Variants in RASAL1 observed in about 807,000 individuals in gnomAD.
The protein encoded by RASAL1 is rasGAP-activating-like protein 1.
Under a neutral mutation model 96.6 loss-of-function variants are expected in RASAL1, and 72 were observed. The observed-to-expected ratio is 0.75, with a 90% confidence interval of 0.62 to 0.91. RASAL1 has a LOEUF of 0.91. Among genes scored for constraint, RASAL1 ranks in the 40% least tolerant of loss-of-function variants. RASAL1 has a pLI of 0.00. For missense variants in RASAL1, 1,016 were observed against 1,072.5 expected (o/e 0.95, Z 0.74); for synonymous variants, 405 against 430.4 (o/e 0.94, Z 0.73).
At chr12:113,103,637 C>A in intron 18 of RASAL1, 1 of 456,876 alleles carries the variant, frequency 2.2e-6, no homozygotes, top group Non-Finnish European at 3.9e-6. Context: ...GTTATGCACT[C>A]ATCTTTCTTG....
intron 4 of RASAL1, 21 bp from the exon 5 acceptor site, chr12:113,121,659 C>T (rs759879284): frequency 2.5e-6 from 4 of 1,613,782 alleles, no homozygotes; most frequent in East Asian, 2.2e-5. Flanking sequence ...CAGGCACTAA[C>T]ATTTATGAAG....
Position 113,119,809 on chromosome 12 carries a change from C to T in RASAL1, c.429-366G>A, listed in dbSNP as rs138237047. 3.0e-4 allele frequency among the ~76,000 whole-genome samples: 46 copies of T among 152,308 alleles called. No individual in the cohort carries two copies. In the East Asian group the frequency reaches 8.3e-3, roughly 27 times the overall value. On this transcript the variant is annotated intron_variant, in intron 5 of 20. Coordinates refer to ENST00000548055, the MANE Select transcript of RASAL1 (RefSeq NM_001301202.2). ...TGCAAAGGTTCAAAGCCTGGCTTTG[C>T]ACTCATTGGCTAGCGGACACTAGGG...
chr12:113,115,822 C>A lies in RASAL1; in HGVS notation c.850-34G>T, dbSNP rs772809882. On this transcript the variant is annotated intron_variant, in intron 9 of 20. Coordinates refer to ENST00000548055, the MANE Select transcript of RASAL1 (RefSeq NM_001301202.2). The surrounding 1 kb of genome is among the most constrained non-coding windows in gnomAD (Gnocchi z 4.1). ...GGGCGGGAGACAAAGATGACCTCGG[C>A]CCCTGGGACCCCAAAGCAGATGGGC... The A allele has an allele frequency of 1.1e-5, 17 of 1,611,712 alleles. No homozygotes were observed. The South Asian group carries it at 1.9e-4, about 18-fold the overall frequency.
chr12:113,136,521 C>T (rs982476526), upstream of RASAL1, among the ~76,000 whole-genome samples: 2 of 152,228 alleles, frequency 1.3e-5, no homozygotes, highest in African/African-American at 4.8e-5. Context: ...AATAACTTGG[C>T]AGAGGTCTCA....
intron 4 of RASAL1, among the ~76,000 whole-genome samples, chr12:113,127,370 G>C (rs1951523149): frequency 6.6e-6 from 1 of 152,182 alleles, no homozygotes; most frequent in Admixed American, 6.5e-5. Flanking sequence ...ACAAGGCTGG[G>C]CATAGTGGCT....
intron 4 of RASAL1, among the ~76,000 whole-genome samples, 160 bp from the exon 5 acceptor site, chr12:113,121,798 T>C (rs1328965742): frequency 6.6e-6 from 1 of 152,076 alleles, no homozygotes; most frequent in African/African-American, 2.4e-5. Context: ...TTTGGCTCAC[T>C]GCAACCTCTG....
In RASAL1 at chr12:113,132,269, G is replaced by A. The variant is rs189929817; in HGVS notation, c.66-1328C>T. Among the ~76,000 whole-genome samples the A allele has an allele frequency of 2.9e-3, 439 of 152,118 alleles. 1 individual carries two copies. The highest frequency in any genetic ancestry group is 0.01 in the African/African-American group (415 of 41,494). The stretch of plus-strand genomic sequence containing the variant: ...ATTACAGGCGTGAGCCACCACAGCC[G>A]GCCTCCCTTATTTCTCTATGCGTTT... On this transcript the variant is annotated intron_variant, in intron 1 of 20. Transcript: ENST00000548055.
intron 13 of RASAL1, 140 bp from the exon 14 acceptor site, chr12:113,108,362 G>A (rs963326727): frequency 9.3e-6 from 10 of 1,079,072 alleles, no homozygotes; most frequent in African/African-American, 3.3e-5. Flanking sequence ...CCGGCTGGCC[G>A]AGGAAGTTTT....
chr12:113,105,580 TGTCGTTG>T (rs1950614492), intron 16 of RASAL1, 127 bp downstream of exon 16: 1 of 964,810 alleles, frequency 1.0e-6, no homozygotes, highest in Admixed American at 2.6e-5. Flanking sequence ...CCTGAGAGTT[TGTCGTTG>T]TTAAGTTGCT....
chr12:113,119,334 C>G (rs780355192), intron 6 of RASAL1, 28 bp downstream of exon 6: 26 of 1,612,958 alleles, frequency 1.6e-5, no homozygotes, highest in Non-Finnish European at 2.0e-5. Context: ...TGCCCCACTC[C>G]TTCCTGGCTT....
rs956001461 is a variant in RASAL1 at position 113,112,351 on chromosome 12, C to T, written c.1182-73G>A. On this transcript the variant is annotated intron_variant, in intron 12 of 20. Coordinates refer to ENST00000548055, the MANE Select transcript of RASAL1 (RefSeq NM_001301202.2). ...TGCTCCAAACCCTCCACCGGCCCCG[C>T]TGAGCTCCGAGAGGACTCATCTTCC... 1.5e-5 allele frequency: 18 copies of T among 1,176,844 alleles called. No individual in the cohort carries two copies. In the African/African-American group the frequency reaches 2.7e-4, roughly 18 times the overall value. The allele number at this position is 1,176,844 out of a possible 1,614,324, so 72.9% of individuals were successfully genotyped here. A position where few individuals can be genotyped will look rare whatever the true frequency, so the allele number is the denominator to read the frequency against.
chr12:113,121,542 C>T lies in RASAL1; in HGVS notation c.395G>A (p.Gly132Asp). The T allele has an allele frequency of 6.2e-7, 1 of 1,614,188 alleles. No homozygotes were observed. Among genetic ancestry groups the T allele is most frequent in the Non-Finnish European group, 8.5e-7 (1 of 1,180,048 alleles). ...LSVQMLEDGQ[G>D]RCLRCHVLQA... ...AAGCACATGGCAGCGAAGGCAGCGG[C>T]CCTGCCCATCCTCCAGCATCTGCAC... The change falls in exon 5 of 21, where the codon GGC becomes GAC. Residue 132 changes from glycine to aspartate, a missense_variant. Transcript: ENST00000548055.
rs754469360 is a variant in RASAL1, at chr12:113,105,836, C to T, written c.1708G>A (p.Glu570Lys). ...TCCTTGCGCTTCAGCAGATAGCCTTCTCGAACAATGGCCGAGGGCGGGAAC... is the reference window on the plus strand; with the variant it reads ...TCCTTGCGCTTCAGCAGATAGCCTTTTCGAACAATGGCCGAGGGCGGGAAC... Reference protein sequence around the residue: ...ALFPPSAIVREGYLLKRKEEP... With the variant: ...ALFPPSAIVRKGYLLKRKEEP... Residue 570 changes from glutamate (E) to lysine (K), a missense_variant, in exon 16 of 21, where the codon GAA (glutamate) becomes AAA (lysine). Physicochemically the swap from Glu to Lys is moderately conservative, Grantham distance 56. Transcript: ENST00000548055. 1.2e-6 allele frequency: 2 copies of T among 1,614,004 alleles called. No individual in the cohort carries two copies. Among genetic ancestry groups the T allele is most frequent in the African/African-American group, 2.7e-5 (2 of 74,948 alleles).
chr12:113,121,130 C>G (rs961956378), intron 5 of RASAL1, among the ~76,000 whole-genome samples: 1 of 152,182 alleles, frequency 6.6e-6, no homozygotes, highest in East Asian at 1.9e-4. Flanking sequence ...CTAATGGCAT[C>G]GTTTGAACAC....
chr12:113,119,017 GCAGCTGTACATC>G, intron 7 of RASAL1, 99 bp downstream of exon 7: 1 of 1,334,330 alleles, frequency 7.5e-7, no homozygotes, highest in Non-Finnish European at 1.0e-6. Flanking sequence ...ACCTGATGAG[GCAGCTGTACATC>G]CACCCTTCTG....
chr12:113,107,415 G>A, intron 14 of RASAL1, 174 bp from the exon 15 acceptor site: 1 of 786,108 alleles, frequency 1.3e-6, no homozygotes, highest in South Asian at 1.7e-5. Context: ...TTGAGGTCAG[G>A]AGCTTGTGAC....
rs1356000316 is a variant in RASAL1, at chr12:113,103,991, AG to A, written c.2058del (p.Phe687SerfsTer57). On this transcript the variant is annotated frameshift_variant, in exon 18 of 21. Transcript: ENST00000548055. LOFTEE classifies it high-confidence loss of function. ...CAGCAGGTCCAGCGCGCGCTGCGGA[AG>A]GCACCGGGGTGGCAGGCGGCCAGCT... ...PNKLAACHPGAFRSARWTCCL... is the reference protein window; with the variant it reads ...PNKLAACHPGXFRSARWTCCL... 3 of 1,571,704 alleles carry A rather than the reference AG, an allele frequency of 1.9e-6. No homozygotes were observed. In the African/African-American group the frequency reaches 4.1e-5, roughly 21 times the overall value.
Position 113,107,252 on chromosome 12 carries a change from G to T in RASAL1, c.1513-11C>A, listed in dbSNP as rs777946684. 2 of 1,582,464 alleles carry T rather than the reference G, an allele frequency of 1.3e-6. No individual in the cohort carries two copies. Among genetic ancestry groups the T allele is most frequent in the Non-Finnish European group, 1.7e-6 (2 of 1,163,110 alleles). On this transcript the variant is annotated splice_polypyrimidine_tract_variant and intron_variant, in intron 14 of 20. Transcript: ENST00000548055. ...AATGCTCTGCACAGCCTGGAGCAAA[G>T]AAGCGAGGGATGCCGGGGCCAAGGT... is the stretch of plus-strand genomic sequence containing the variant.
chr12:113,122,332 G>A (rs896293236), intron 4 of RASAL1, among the ~76,000 whole-genome samples: 1 of 152,054 alleles, frequency 6.6e-6, no homozygotes, highest in East Asian at 1.9e-4. Context: ...ACACTTTGAA[G>A]ATATTGTTCC....
Sources: gnomAD v4.1 joint callset for allele counts (sites outside exome capture counted in the v4.1 genomes callset) on GRCh38, gnomAD v4.1.1 for gene constraint, Gnocchi (gnomAD v3.1) non-coding constraint, MANE v1.5 for transcripts, NCBI Gene and HGNC (gene_info 2026-07-23, HGNC 2026-07-21) for gene names.